Variants in KAZN observed in about 807,000 individuals in gnomAD.
The protein encoded by KAZN is kazrin, periplakin interacting protein, also known as kazrin.
Under a neutral mutation model 87.4 loss-of-function variants are expected in KAZN, and 40 were observed. The ratio of observed to expected loss-of-function variants is 0.46; its 90% CI spans 0.36 to 0.60. The LOEUF is 0.60. Ranked by LOEUF, KAZN falls within the 20% of genes least tolerant of loss-of-function variation. The probability of loss-of-function intolerance (pLI) is 0.00; values close to 1 mark genes in which losing one functional copy is unlikely to be tolerated. For synonymous variants in KAZN, 466 were observed against 458.3 expected (o/e 1.02, Z -0.22); for missense variants, 898 against 1,073.9 (o/e 0.84, Z 2.29).
intron 1 of KAZN, among the ~76,000 whole-genome samples, chr1:14,621,599 C>T (rs1238848932): frequency 6.6e-6 from 1 of 152,150 alleles, no homozygotes; most frequent in Non-Finnish European, 1.5e-5. Context: ...CTGTGCCCCA[C>T]CCAAATCTCA....
intron 2 of KAZN, among the ~76,000 whole-genome samples, chr1:14,215,908 C>G (rs568052578): frequency 6.9e-4 from 105 of 152,202 alleles, no homozygotes; most frequent in African/African-American, 2.5e-3. Flanking sequence ...GGAATAATGT[C>G]TTTAATTATA....
chr1:14,780,401 G>A (rs77800459), intron 1 of KAZN, among the ~76,000 whole-genome samples: 238 of 152,294 alleles, frequency 1.6e-3, no homozygotes, highest in African/African-American at 5.6e-3. Context: ...GAGCTAGTTT[G>A]TGGGTTCATT....
intron 1 of KAZN, among the ~76,000 whole-genome samples, chr1:14,100,978 A>G (rs1247973495): frequency 6.6e-6 from 1 of 152,214 alleles, no homozygotes; most frequent in Non-Finnish European, 1.5e-5. Context: ...CATCCATATA[A>G]GATATGACTT....
chr1:14,004,683 T>C (rs1415046833), intron 1 of KAZN, among the ~76,000 whole-genome samples: 2 of 113,962 alleles, frequency 1.8e-5, no homozygotes, highest in Non-Finnish European at 4.0e-5. Flanking sequence ...TGTTCCTTTA[T>C]GATTTGTGCA....
At chr1:14,341,321 C>G (rs1417601901) in intron 2 of KAZN, among the ~76,000 whole-genome samples, 1 of 152,210 alleles carries the variant, frequency 6.6e-6, no homozygotes, top group Admixed American at 6.5e-5. Flanking sequence ...GTGACAGGCA[C>G]CTGCAGTTGA....
At chr1:14,178,723 G>A (rs1251230938) in intron 1 of KAZN, among the ~76,000 whole-genome samples, 1 of 152,028 alleles carries the variant, frequency 6.6e-6, no homozygotes, top group Non-Finnish European at 1.5e-5. Flanking sequence ...TTGCTTTTTT[G>A]TATGTCTGGT....
At chr1:14,201,536 G>C (rs558517150) in intron 2 of KAZN, among the ~76,000 whole-genome samples, 2 of 152,284 alleles carry the variant, frequency 1.3e-5, no homozygotes, top group Admixed American at 6.5e-5. Context: ...AGTCTGTCCT[G>C]CTCCTGAAAG....
rs34322882 is a variant in KAZN, at chr1:14,472,063, T to C, written c.250-126920T>C. ...GGTGAGGGCTCACGTTCTGCTTCAA[T>C]AGATGGCACTTTCTTGCTGCTTACT... On this transcript the variant is annotated intron_variant, in intron 2 of 16. Transcript: ENST00000636203. 5.6e-3 allele frequency among the ~76,000 whole-genome samples: 850 copies of C among 152,266 alleles called. 6 individuals are homozygous for C. Among genetic ancestry groups the C allele is most frequent in the Middle Eastern group, 0.017 (5 of 294 alleles).
In KAZN at chr1:14,211,589, C is replaced by T. The variant is rs145454668; in HGVS notation, c.249+30997C>T. 3.0e-3 allele frequency among the ~76,000 whole-genome samples: 451 copies of T among 152,134 alleles called. 3 individuals are homozygous for T. The highest frequency in any genetic ancestry group is 0.01 in the African/African-American group (418 of 41,498). On this transcript the variant is annotated intron_variant, in intron 2 of 16. Transcript: ENST00000636203. Reference sequence around the variant, plus strand: ...AAGATAAGACTGGGAAATACATTGACGGCAGAGAACTAGGGTCAGTGGTCC... The same window carrying T: ...AAGATAAGACTGGGAAATACATTGATGGCAGAGAACTAGGGTCAGTGGTCC...
intron 2 of KAZN, among the ~76,000 whole-genome samples, chr1:14,411,591 C>T (rs564345465): frequency 2.6e-5 from 4 of 152,314 alleles, no homozygotes; most frequent in African/African-American, 7.2e-5. Context: ...TGAGCCACCG[C>T]GCTCCCCTGG....
At chr1:13,941,082 T>C (rs1640908861) in intron 1 of KAZN, among the ~76,000 whole-genome samples, 1 of 151,964 alleles carries the variant, frequency 6.6e-6, no homozygotes, top group Non-Finnish European at 1.5e-5. Context: ...TAATCCCAGC[T>C]ACTCGGGAGG....
At chr1:14,997,212 T>C (rs940628450) in intron 2 of KAZN, among the ~76,000 whole-genome samples, 41 of 76,936 alleles carry the variant, frequency 5.3e-4, no homozygotes, top group African/African-American at 1.9e-3. Context: ...TTCATTTATT[T>C]ATTTATTTAT....
At chr1:14,644,998 C>T (rs1031425627) in intron 1 of KAZN, among the ~76,000 whole-genome samples, 1 of 152,136 alleles carries the variant, frequency 6.6e-6, no homozygotes, top group Non-Finnish European at 1.5e-5. Context: ...AGGAAGGGGT[C>T]CAATTTCAAT....
chr1:14,701,496 AC>A (rs1325425964), intron 1 of KAZN, among the ~76,000 whole-genome samples: 1 of 152,200 alleles, frequency 6.6e-6, no homozygotes, highest in Non-Finnish European at 1.5e-5. Context: ...CCACACTCAA[AC>A]AAGAGAGGCA....
chr1:14,859,682 T>G (rs1194593739), intron 1 of KAZN, among the ~76,000 whole-genome samples: 1 of 152,250 alleles, frequency 6.6e-6, no homozygotes, highest in Non-Finnish European at 1.5e-5. Flanking sequence ...AGCCCTTATC[T>G]GTCAATGTCT....
At chr1:14,527,418 G>A (rs1032138797) in intron 2 of KAZN, among the ~76,000 whole-genome samples, 12 of 152,050 alleles carry the variant, frequency 7.9e-5, no homozygotes, top group Admixed American at 2.0e-4. Context: ...GCGTGGTGGC[G>A]GGCACCTGTA....
At chr1:14,907,076 A>C (rs2807560) in intron 1 of KAZN, among the ~76,000 whole-genome samples, 1 of 151,414 alleles carries the variant, frequency 6.6e-6, no homozygotes, top group Non-Finnish European at 1.5e-5. Flanking sequence ...TAGAAGTGCA[A>C]GTGCACTTCT....
rs1406577695 is a variant in KAZN, at chr1:15,094,785, C to A, written c.1429-30C>A. 3 of 1,510,262 alleles carry A rather than the reference C, an allele frequency of 2.0e-6. No individual in the cohort carries two copies. Among genetic ancestry groups the A allele is most frequent in the East Asian group, 2.5e-5 (1 of 40,472 alleles). The allele number at this position is 1,510,262 out of a possible 1,614,324, so 93.6% of individuals were successfully genotyped here. A position where few individuals can be genotyped will look rare whatever the true frequency, so the allele number is the denominator to read the frequency against. On this transcript the variant is annotated intron_variant, in intron 9 of 14. Transcript: ENST00000376030. The surrounding 1 kb of genome is among the most constrained non-coding windows in gnomAD (Gnocchi z 4.5). Reference sequence around the variant, plus strand: ...GGAACCCCGCCGGCAGCTGTCCCAGCCCCCATATGACACTCCCTCCCGGGG... The same window carrying A: ...GGAACCCCGCCGGCAGCTGTCCCAGACCCCATATGACACTCCCTCCCGGGG...
chr1:14,448,082 C>T (rs998036715), intron 2 of KAZN, among the ~76,000 whole-genome samples: 1 of 152,228 alleles, frequency 6.6e-6, no homozygotes, highest in Non-Finnish European at 1.5e-5. Context: ...TAAGATTGTT[C>T]TCAACAAGCC....
Sources: allele counts gnomAD v4.1 joint callset (sites outside exome capture counted in the v4.1 genomes callset), GRCh38; gene constraint gnomAD v4.1.1; non-coding constraint Gnocchi (gnomAD v3.1); transcripts MANE v1.5; gene names NCBI Gene and HGNC (gene_info 2026-07-23, HGNC 2026-07-21).